Variants in SLC41A2 observed in about 807,000 individuals in gnomAD.
SLC41A2 encodes solute carrier family 41 member 2, also known as SLC41A1-like 1.
Under a neutral mutation model 58.3 loss-of-function variants are expected in SLC41A2, and 32 were observed. The ratio of observed to expected loss-of-function variants is 0.55; its 90% CI spans 0.41 to 0.74. The LOEUF (loss-of-function observed/expected upper bound fraction) is 0.74, where lower values mean the gene tolerates loss of function less well. Among genes scored for constraint, SLC41A2 ranks in the 30% least tolerant of loss-of-function variants. The probability of loss-of-function intolerance (pLI) is 0.00; values close to 1 mark genes in which losing one functional copy is unlikely to be tolerated. For synonymous variants in SLC41A2, 190 were observed against 235.0 expected, an observed-to-expected ratio of 0.81 and a Z score of 1.75; for missense variants, 514 against 680.6, an observed-to-expected ratio of 0.76 and a Z score of 2.72.
At chr12:104,858,222 C>A (rs1027456468) in intron 8 of SLC41A2, among the ~76,000 whole-genome samples, 1 of 152,038 alleles carries the variant, frequency 6.6e-6, no homozygotes, top group African/African-American at 2.4e-5. Flanking sequence ...TAAAAAATAT[C>A]CTAGTCACAA....
intron 1 of SLC41A2, among the ~76,000 whole-genome samples, chr12:104,936,217 G>T (rs1219849679): frequency 6.6e-6 from 1 of 152,052 alleles, no homozygotes; most frequent in Non-Finnish European, 1.5e-5. Flanking sequence ...ATTTGCCAAT[G>T]ATAATAAATA....
intron 2 of SLC41A2, among the ~76,000 whole-genome samples, chr12:104,919,213 C>T (rs936108315): frequency 6.6e-6 from 1 of 152,142 alleles, no homozygotes; most frequent in Non-Finnish European, 1.5e-5. Context: ...AGTAGTATTC[C>T]ATCATATGAA....
rs555026580 is a variant in SLC41A2 at position 104,844,884 on chromosome 12, CAG to C, written c.1388-266_1388-265del. Among the ~76,000 whole-genome samples, 130 of 152,194 alleles carry C rather than the reference CAG, an allele frequency of 8.5e-4. 1 individual carries two copies. The highest frequency in any genetic ancestry group is 3.0e-3 in the African/African-American group (123 of 41,536). Reference sequence around the variant, plus strand: ...CACACTTTAATATCTATCATAAAAACAGAGAAAATATAAAGTTCTTACAGTAC... The same window carrying C: ...CACACTTTAATATCTATCATAAAAACAGAAAATATAAAGTTCTTACAGTAC... On this transcript the variant is annotated intron_variant, in intron 9 of 10. Transcript: ENST00000258538.
At chr12:104,936,994 C>T (rs1029727194) in intron 1 of SLC41A2, among the ~76,000 whole-genome samples, 11 of 151,918 alleles carry the variant, frequency 7.2e-5, no homozygotes, top group African/African-American at 2.7e-4. Context: ...GCCTGTAATC[C>T]CAACACTTTG....
chr12:104,926,615 C>T (rs971814871), intron 2 of SLC41A2, among the ~76,000 whole-genome samples: 1 of 150,924 alleles, frequency 6.6e-6, no homozygotes, highest in African/African-American at 2.4e-5. Context: ...AAAGAGAATA[C>T]CTACAAATCA....
intron 1 of SLC41A2, among the ~76,000 whole-genome samples, chr12:104,954,663 C>T (rs1051881628): frequency 1.3e-5 from 2 of 152,098 alleles, no homozygotes; most frequent in Non-Finnish European, 2.9e-5. Context: ...GGGTTATAAA[C>T]CCGAAATTAC....
intron 10 of SLC41A2, among the ~76,000 whole-genome samples, chr12:104,829,762 C>T (rs191320872): frequency 6.6e-6 from 1 of 151,976 alleles, no homozygotes; most frequent in Admixed American, 6.6e-5. Flanking sequence ...GCAAATCTAG[C>T]CCTATATGGC....
chr12:104,856,958 T>C (rs1483739918), intron 8 of SLC41A2, among the ~76,000 whole-genome samples: 2 of 152,192 alleles, frequency 1.3e-5, no homozygotes, highest in Non-Finnish European at 2.9e-5. Flanking sequence ...CTTTATATGA[T>C]AAAATCTAAA....
chr12:104,888,669 TG>T (rs2044790332), intron 5 of SLC41A2, among the ~76,000 whole-genome samples: 1 of 152,136 alleles, frequency 6.6e-6, no homozygotes, highest in South Asian at 2.1e-4. Flanking sequence ...CCAGAATTCC[TG>T]GAACACTTGT....
chr12:104,955,460 T>A (rs2048126375), intron 1 of SLC41A2, among the ~76,000 whole-genome samples: 1 of 152,174 alleles, frequency 6.6e-6, no homozygotes. Flanking sequence ...GGTCTGAATA[T>A]CCACTACCCC....
At chr12:104,927,830 C>A in intron 2 of SLC41A2, 143 bp downstream of exon 2, 1 of 694,964 alleles carries the variant, frequency 1.4e-6, no homozygotes, top group Admixed American at 3.8e-5. Flanking sequence ...AGATTCTCTC[C>A]CAGAGTCAGC....
intron 1 of SLC41A2, among the ~76,000 whole-genome samples, chr12:104,952,365 A>T (rs2047989160): frequency 1.3e-5 from 2 of 152,184 alleles, no homozygotes; most frequent in Non-Finnish European, 2.9e-5. Context: ...AGGCGAACGA[A>T]TCTTTATGAA....
Position 104,908,630 on chromosome 12 carries a change from G to T in SLC41A2, c.663+1025C>A, listed in dbSNP as rs564994807. 2.3e-4 allele frequency among the ~76,000 whole-genome samples: 35 copies of T among 152,292 alleles called. No homozygotes were observed. The South Asian group carries it at 6.8e-3, about 30-fold the overall frequency. ...GCATTTCACAGGCAGATAGCTCATTGAAGTGAACCTCACTAGCTACGTGGT... is the reference window on the plus strand; with the variant it reads ...GCATTTCACAGGCAGATAGCTCATTTAAGTGAACCTCACTAGCTACGTGGT... On this transcript the variant is annotated intron_variant, in intron 3 of 10. Transcript: ENST00000258538.
At chr12:104,892,545 T>C (rs2045062369) in intron 4 of SLC41A2, among the ~76,000 whole-genome samples, 1 of 152,028 alleles carries the variant, frequency 6.6e-6, no homozygotes, top group African/African-American at 2.4e-5. Context: ...AGACTCAGAA[T>C]AGTCAAAACT....
chr12:104,834,260 T>G, intron 10 of SLC41A2: 1 of 816,686 alleles, frequency 1.2e-6, no homozygotes, highest in Non-Finnish European at 1.5e-6. Flanking sequence ...AATAGCATAA[T>G]CACACATAAC....
At chr12:104,904,192 TTTTC>T (rs971805471) in intron 3 of SLC41A2, among the ~76,000 whole-genome samples, 3 of 152,212 alleles carry the variant, frequency 2.0e-5, no homozygotes, top group African/African-American at 7.2e-5. Flanking sequence ...TTTTGAAATA[TTTTC>T]TTTGAGATAA....
intron 1 of SLC41A2, among the ~76,000 whole-genome samples, chr12:104,950,199 T>A (rs2135979898): frequency 6.6e-6 from 1 of 152,310 alleles, no homozygotes; most frequent in South Asian, 2.1e-4. Flanking sequence ...ATGCTCTGGT[T>A]GTGTCCCCAC....
chr12:104,926,932 T>C (rs2135878729), intron 2 of SLC41A2, among the ~76,000 whole-genome samples: 1 of 151,978 alleles, frequency 6.6e-6, no homozygotes, highest in South Asian at 2.1e-4. Flanking sequence ...AAAAAAAATT[T>C]TTTTTAATTA....
intron 10 of SLC41A2, among the ~76,000 whole-genome samples, chr12:104,825,367 T>C (rs1168884603): frequency 6.6e-6 from 1 of 152,166 alleles, no homozygotes; most frequent in Non-Finnish European, 1.5e-5. Context: ...GGTCAACAGA[T>C]AGGGCGCTTC....
Sources: allele counts gnomAD v4.1 joint callset (sites outside exome capture counted in the v4.1 genomes callset), GRCh38; gene constraint gnomAD v4.1.1; transcripts MANE v1.5; gene names NCBI Gene and HGNC (gene_info 2026-07-23, HGNC 2026-07-21).